Variants in NBAS observed in about 807,000 individuals in gnomAD.
NBAS encodes NBAS subunit of NRZ tethering complex.
NBAS carries 219 observed loss-of-function variants against 302.5 expected under a neutral mutation model. The observed-to-expected ratio is 0.72, with a 90% CI of 0.65 to 0.81. The LOEUF (loss-of-function observed/expected upper bound fraction) is 0.81, where lower values mean the gene tolerates loss of function less well. Ranked by LOEUF, NBAS falls within the 30% of genes least tolerant of loss-of-function variation. NBAS has a pLI of 0.00. For missense variants in NBAS, 2,932 were observed against 2,841.6 expected (o/e 1.03, Z -0.72); for synonymous variants, 1,118 against 1,021.6 (o/e 1.09, Z -1.80).
At chr2:15,439,374 C>T (rs1049849474) in intron 21 of NBAS, among the ~76,000 whole-genome samples, 6 of 151,628 alleles carry the variant, frequency 4.0e-5, no homozygotes, top group African/African-American at 4.9e-5. Context: ...CAAAAGGCTG[C>T]CCTGTTCCCA....
At chr2:14,887,069 A>G in the NBAS span, among the ~76,000 whole-genome samples, 1 of 152,198 alleles carries the variant, frequency 6.6e-6, no homozygotes, top group Non-Finnish European at 1.5e-5. Flanking sequence ...TAGAAACCCC[A>G]TAAACTTGCA....
At chr2:14,994,899 A>G in the NBAS span, among the ~76,000 whole-genome samples, 1 of 152,110 alleles carries the variant, frequency 6.6e-6, no homozygotes, top group African/African-American at 2.4e-5. Flanking sequence ...TCATTGCTCA[A>G]TGGGCTACAC....
the NBAS span, among the ~76,000 whole-genome samples, chr2:14,921,381 G>C: frequency 7.2e-5 from 11 of 152,228 alleles, 1 homozygote; most frequent in African/African-American, 2.6e-4. Context: ...AATATTGTCA[G>C]AATTACCAAA....
the NBAS span, among the ~76,000 whole-genome samples, chr2:14,952,267 T>C: frequency 6.6e-6 from 1 of 152,216 alleles, no homozygotes; most frequent in African/African-American, 2.4e-5. Flanking sequence ...GTAGATAACA[T>C]GAAGTCAGGA....
chr2:14,885,902 C>T, the NBAS span, among the ~76,000 whole-genome samples: 3 of 152,082 alleles, frequency 2.0e-5, no homozygotes, highest in African/African-American at 2.4e-5. Flanking sequence ...ACAGTTTTAC[C>T]GAAGTGGTGG....
At chr2:15,041,287 G>A in the NBAS span, among the ~76,000 whole-genome samples, 4 of 152,230 alleles carry the variant, frequency 2.6e-5, no homozygotes, top group African/African-American at 4.8e-5. Flanking sequence ...CAGTATCCAT[G>A]AGAACATCTG....
intron 35 of NBAS, among the ~76,000 whole-genome samples, chr2:15,335,283 G>T (rs1672530884): frequency 6.6e-6 from 1 of 151,992 alleles, no homozygotes; most frequent in Non-Finnish European, 1.5e-5. Flanking sequence ...TGTGCATTTG[G>T]GTAGTCCCCA....
chr2:14,880,604 A>G, the NBAS span, among the ~76,000 whole-genome samples: 1 of 152,066 alleles, frequency 6.6e-6, no homozygotes, highest in African/African-American at 2.4e-5. Flanking sequence ...GAAACTATAA[A>G]AAGAAACATT....
the NBAS span, among the ~76,000 whole-genome samples, chr2:14,824,151 C>A: frequency 6.6e-6 from 1 of 152,168 alleles, no homozygotes; most frequent in East Asian, 1.9e-4. Context: ...GTCTCAGAGG[C>A]TAGAAAACGT....
chr2:14,910,931 C>T, the NBAS span, among the ~76,000 whole-genome samples: 15 of 152,260 alleles, frequency 9.9e-5, no homozygotes, highest in East Asian at 2.3e-3. Context: ...GTAATTTACC[C>T]GCACAGCAGG....
chr2:15,288,204 G>C (rs752785763), intron 41 of NBAS, among the ~76,000 whole-genome samples: 28 of 152,250 alleles, frequency 1.8e-4, no homozygotes, highest in Non-Finnish European at 2.1e-4. Context: ...TTTCTACCCT[G>C]TGCCAGGTAT....
chr2:14,784,589 G>T, the NBAS span, among the ~76,000 whole-genome samples: 1 of 152,110 alleles, frequency 6.6e-6, no homozygotes, highest in Non-Finnish European at 1.5e-5. Context: ...TTTCCCCATT[G>T]CTTGTTTTTT....
intron 12 of NBAS, among the ~76,000 whole-genome samples, chr2:15,486,115 C>T (rs560884562): frequency 1.5e-4 from 23 of 152,078 alleles, no homozygotes; most frequent in Non-Finnish European, 2.9e-4. Context: ...GACAGAGCCA[C>T]AATGGGAATG....
the NBAS span, among the ~76,000 whole-genome samples, chr2:14,913,014 T>C: frequency 2.0e-5 from 3 of 152,202 alleles, no homozygotes; most frequent in Admixed American, 2.0e-4. Context: ...GAGAAGAAAG[T>C]TGAAAGAACA....
At chr2:15,511,734 C>G (rs983935170) in intron 9 of NBAS, among the ~76,000 whole-genome samples, 4 of 152,086 alleles carry the variant, frequency 2.6e-5, no homozygotes, top group African/African-American at 9.7e-5. Context: ...AATGAGGGAG[C>G]CATTACAGAA....
chr2:15,348,984 AAGGG>A (rs1044604661), intron 35 of NBAS, among the ~76,000 whole-genome samples: 3 of 152,206 alleles, frequency 2.0e-5, no homozygotes, highest in Admixed American at 2.0e-4. Flanking sequence ...CTTCATATGG[AAGGG>A]ATAAGAGCAC....
intron 10 of NBAS, among the ~76,000 whole-genome samples, chr2:15,508,536 T>A (rs1661979263): frequency 6.6e-6 from 1 of 152,144 alleles, no homozygotes; most frequent in Non-Finnish European, 1.5e-5. Flanking sequence ...TTTTGACAAA[T>A]TTCACAGCTA....
At chr2:14,915,389 C>T in the NBAS span, among the ~76,000 whole-genome samples, 1 of 152,108 alleles carries the variant, frequency 6.6e-6, no homozygotes, top group African/African-American at 2.4e-5. Context: ...CGTGACCTGG[C>T]ACAAGTTATT....
the NBAS span, among the ~76,000 whole-genome samples, chr2:14,848,656 T>G: frequency 1.4e-5 from 2 of 141,184 alleles, no homozygotes; most frequent in Non-Finnish European, 3.0e-5. Context: ...AGCAGTAACC[T>G]CTGCAGACTT....
Sources: gnomAD v4.1 joint callset for allele counts (sites outside exome capture counted in the v4.1 genomes callset) on GRCh38, gnomAD v4.1.1 for gene constraint, MANE v1.5 for transcripts, NCBI Gene and HGNC (gene_info 2026-07-23, HGNC 2026-07-21) for gene names.